The following TMEM117 variants were observed in gnomAD, a reference collection of about 807,000 sequenced individuals.
TMEM117 encodes the protein transmembrane protein 117.
In TMEM117, 27 loss-of-function variants were observed where a neutral mutation model predicts 52.4. The observed-to-expected ratio is 0.51, with a 90% CI of 0.38 to 0.71. The LOEUF is 0.71. TMEM117 is among the 30% of genes least tolerant of loss of function. The pLI, the probability that TMEM117 is intolerant of heterozygous loss-of-function variation, is 0.00. For missense variants in TMEM117, 556 were observed against 630.5 expected (o/e 0.88, Z 1.26); for synonymous variants, 215 against 206.3 (o/e 1.04, Z -0.36).
Position 44,343,711 on chromosome 12 carries a change from T to G in TMEM117, c.769-32884T>G, listed in dbSNP as rs369396859. Among the ~76,000 whole-genome samples the G allele has an allele frequency of 2.0e-4, 30 of 152,274 alleles. No individual in the cohort carries two copies. In the South Asian group the frequency reaches 6.0e-3, roughly 31 times the overall value. ...ATACACTTAAAAATGATTAAGATGG[T>G]AAATTGTATGTTGTGTGTATTTTAT... On this transcript the variant is annotated intron_variant, in intron 6 of 7. Coordinates refer to ENST00000266534, the MANE Select transcript of TMEM117 (RefSeq NM_032256.3).
intron 3 of TMEM117, among the ~76,000 whole-genome samples, chr12:43,984,112 A>G (rs1945806332): frequency 1.3e-5 from 2 of 152,122 alleles, no homozygotes; most frequent in Non-Finnish European, 2.9e-5. Flanking sequence ...TCACACCTGT[A>G]ATCCCAGCAC....
chr12:43,809,149 T>A, the TMEM117 span, among the ~76,000 whole-genome samples: 1 of 152,198 alleles, frequency 6.6e-6, no homozygotes, highest in Non-Finnish European at 1.5e-5. Flanking sequence ...GCCACATTAA[T>A]GTGAGCAGTA....
intron 6 of TMEM117, among the ~76,000 whole-genome samples, chr12:44,354,561 C>T (rs1241458375): frequency 6.6e-6 from 1 of 151,940 alleles, no homozygotes; most frequent in East Asian, 1.9e-4. Flanking sequence ...GAACCAAAGA[C>T]AAAAACCACA....
chr12:44,065,002 G>A (rs2137965820), intron 3 of TMEM117, among the ~76,000 whole-genome samples: 1 of 152,262 alleles, frequency 6.6e-6, no homozygotes, highest in South Asian at 2.1e-4. Flanking sequence ...GGTATGCCTT[G>A]CATACATAAA....
At position 44,356,959 on chromosome 12, in the gene TMEM117, A is replaced by G. The variant is rs552434664; in HGVS notation, c.769-19636A>G. ...CCCTGTTAGCTTCATTGCATGGGGC[A>G]TAAAGCCAAATTTGTAAGCACTGAA... On this transcript the variant is annotated intron_variant, in intron 6 of 7. Transcript: ENST00000266534. Among the ~76,000 whole-genome samples, 17 of 152,274 alleles carry G rather than the reference A, an allele frequency of 1.1e-4. No individual in the cohort carries two copies. The East Asian group carries it at 1.7e-3, about 16-fold the overall frequency.
intron 3 of TMEM117, among the ~76,000 whole-genome samples, chr12:44,012,361 C>G (rs542504866): frequency 4.7e-5 from 7 of 149,944 alleles, no homozygotes; most frequent in African/African-American, 7.3e-5. Context: ...GAAAAATTCT[C>G]AGTCATTGTT....
chr12:43,896,556 G>T (rs1944205596), intron 2 of TMEM117, among the ~76,000 whole-genome samples: 1 of 152,176 alleles, frequency 6.6e-6, no homozygotes, highest in African/African-American at 2.4e-5. Context: ...GTACAGGGTA[G>T]GCAACCCCAT....
intron 4 of TMEM117, among the ~76,000 whole-genome samples, chr12:44,161,721 C>T (rs1282896430): frequency 1.3e-5 from 2 of 152,004 alleles, no homozygotes. Context: ...GTTATTATTA[C>T]CATATGATAA....
chr12:44,270,551 C>T (rs1160538278), intron 5 of TMEM117, among the ~76,000 whole-genome samples: 1 of 152,070 alleles, frequency 6.6e-6, no homozygotes, highest in African/African-American at 2.4e-5. Context: ...ACGATCATAT[C>T]ATCGGTAAAG....
intron 3 of TMEM117, among the ~76,000 whole-genome samples, chr12:44,033,773 G>A (rs1003118759): frequency 5.3e-5 from 8 of 152,208 alleles, no homozygotes; most frequent in Non-Finnish European, 1.0e-4. Flanking sequence ...GGAGGACTGA[G>A]TAGAATCTAA....
chr12:44,264,194 A>G (rs1950351580), intron 5 of TMEM117, among the ~76,000 whole-genome samples: 1 of 152,006 alleles, frequency 6.6e-6, no homozygotes, highest in Non-Finnish European at 1.5e-5. Flanking sequence ...TGTCTATTTG[A>G]TCATTGTTTT....
intron 4 of TMEM117, among the ~76,000 whole-genome samples, chr12:44,178,056 C>G (rs571359739): frequency 2.0e-5 from 3 of 152,280 alleles, no homozygotes; most frequent in African/African-American, 7.2e-5. Flanking sequence ...GGACAAGCAT[C>G]TACAACATCT....
intron 2 of TMEM117, among the ~76,000 whole-genome samples, chr12:43,875,269 G>A (rs570911525): frequency 9.9e-5 from 15 of 151,792 alleles, no homozygotes; most frequent in East Asian, 7.7e-4. Context: ...AGTCAGAATC[G>A]GGTAGGGCAA....
chr12:44,041,071 C>T (rs1336905336), intron 3 of TMEM117, among the ~76,000 whole-genome samples: 1 of 152,148 alleles, frequency 6.6e-6, no homozygotes, highest in East Asian at 1.9e-4. Flanking sequence ...CAGAACACTC[C>T]AGTGAATGCA....
At position 44,388,781 on chromosome 12, in the gene TMEM117, A is replaced by G; in HGVS notation, c.*109A>G. 1 of 1,220,866 alleles carries G rather than the reference A, an allele frequency of 8.2e-7. No individual in the cohort carries two copies. Among genetic ancestry groups the G allele is most frequent in the Non-Finnish European group, 1.1e-6 (1 of 873,762 alleles). 75.6% of individuals were successfully genotyped at this position (1,220,866 alleles called of 1,614,324 possible). A position where few individuals can be genotyped will look rare whatever the true frequency, so the allele number is the denominator to read the frequency against. On this transcript the variant is annotated 3_prime_UTR_variant, in exon 8 of 8. Coordinates refer to ENST00000266534, the MANE Select transcript of TMEM117 (RefSeq NM_032256.3). ...GGTTTACGTAGTGTTAGGTAAAAAT[A>G]TGAACAATGCCACAACGGTGCTCAA...
At chr12:44,156,287 A>T (rs1047699918) in intron 4 of TMEM117, among the ~76,000 whole-genome samples, 23 of 152,072 alleles carry the variant, frequency 1.5e-4, no homozygotes, top group African/African-American at 5.1e-4. Flanking sequence ...CTTAATATGC[A>T]TTGTGGAAAT....
intron 6 of TMEM117, among the ~76,000 whole-genome samples, chr12:44,344,229 G>A (rs1951454018): frequency 6.6e-6 from 1 of 152,096 alleles, no homozygotes; most frequent in Non-Finnish European, 1.5e-5. Context: ...TTTGATAATA[G>A]AGTCATCATA....
chr12:43,980,675 T>C (rs1945745956), intron 3 of TMEM117, among the ~76,000 whole-genome samples: 1 of 152,140 alleles, frequency 6.6e-6, no homozygotes, highest in African/African-American at 2.4e-5. Flanking sequence ...TCTGTTGCAG[T>C]ATTCCTCACA....
intron 3 of TMEM117, among the ~76,000 whole-genome samples, chr12:44,109,902 C>G (rs1227147824): frequency 2.7e-5 from 2 of 75,258 alleles, no homozygotes; most frequent in African/African-American, 7.9e-5. Flanking sequence ...GTTTGTAGTT[C>G]TCCTTGAAGA....
Sources: allele counts gnomAD v4.1 joint callset (sites outside exome capture counted in the v4.1 genomes callset), GRCh38; gene constraint gnomAD v4.1.1; transcripts MANE v1.5; gene names NCBI Gene and HGNC (gene_info 2026-07-23, HGNC 2026-07-21).